Variants in BORCS5 observed in about 807,000 individuals in gnomAD.
The protein encoded by BORCS5 is BLOC-1 related complex subunit 5, also known as BLOC-1-related complex subunit 5.
Under a neutral mutation model 22.1 loss-of-function variants are expected in BORCS5, and 17 were observed. The ratio of observed to expected loss-of-function variants is 0.77; its 90% CI spans 0.53 to 1.15. BORCS5 has a LOEUF of 1.15. BORCS5 is among the 50% of genes most tolerant of loss of function. BORCS5 has a pLI of 0.00. For synonymous variants in BORCS5, 117 were observed against 99.8 expected (o/e 1.17, Z -1.03); for missense variants, 247 against 253.2 (o/e 0.98, Z 0.17).
chr12:12,391,690 A>T (rs146953106), intron 2 of BORCS5, among the ~76,000 whole-genome samples: 1,669 of 151,500 alleles, frequency 0.011, 31 homozygotes, highest in Middle Eastern at 0.024. Flanking sequence ...GCCTGGCACA[A>T]AATGATCTTA....
At position 12,390,988 on chromosome 12, in the gene BORCS5, G is replaced by A. The variant is rs115749525; in HGVS notation, c.202+29639G>A. Among the ~76,000 whole-genome samples, 999 of 152,110 alleles carry A rather than the reference G, an allele frequency of 6.6e-3. 16 individuals are homozygous for A. The highest frequency in any genetic ancestry group is 0.024 in the African/African-American group (982 of 41,420). On this transcript the variant is annotated intron_variant, in intron 2 of 3. Coordinates refer to ENST00000314565, the MANE Select transcript of BORCS5 (RefSeq NM_058169.6). ...ATAGAAAAAAGTACACGTTAAAAGG[G>A]GAGGCGGGTAATTGAACGAGGGGCC...
chr12:12,411,493 C>T (rs940977185), intron 2 of BORCS5, among the ~76,000 whole-genome samples: 1 of 152,038 alleles, frequency 6.6e-6, no homozygotes, highest in East Asian at 1.9e-4. Context: ...ATATAATATA[C>T]ATGTATATAA....
intron 3 of BORCS5, among the ~76,000 whole-genome samples, chr12:12,457,634 C>CA (rs1240702626): frequency 6.6e-6 from 1 of 152,204 alleles, no homozygotes; most frequent in Non-Finnish European, 1.5e-5. Flanking sequence ...CGCGCCACTG[C>CA]ACTCCATAGA....
intron 3 of BORCS5, chr12:12,452,108 TA>T: frequency 2.0e-6 from 1 of 493,250 alleles, no homozygotes; most frequent in South Asian, 1.7e-5. Flanking sequence ...AATTTTTATT[TA>T]AAAGAGGGCA....
At chr12:12,411,917 C>G (rs988769266) in intron 2 of BORCS5, among the ~76,000 whole-genome samples, 2 of 152,024 alleles carry the variant, frequency 1.3e-5, no homozygotes, top group Non-Finnish European at 2.9e-5. Context: ...GTCTTGGTGC[C>G]CCCAACAATC....
At chr12:12,392,792 G>A (rs574831807) in intron 2 of BORCS5, among the ~76,000 whole-genome samples, 27 of 152,208 alleles carry the variant, frequency 1.8e-4, no homozygotes, top group African/African-American at 6.3e-4. Context: ...TCTGTCCACT[G>A]ATCTCAGTTC....
At chr12:12,441,597 T>C (rs1942683818) in intron 3 of BORCS5, among the ~76,000 whole-genome samples, 1 of 152,176 alleles carries the variant, frequency 6.6e-6, no homozygotes, top group African/African-American at 2.4e-5. Context: ...CCTATCCTAA[T>C]TGCCATGAAT....
At chr12:12,358,454 T>C (rs901077287) in intron 1 of BORCS5, among the ~76,000 whole-genome samples, 1 of 152,248 alleles carries the variant, frequency 6.6e-6, no homozygotes, top group East Asian at 1.9e-4. Context: ...CAGCATCTAC[T>C]AGCTTTGCTA....
At chr12:12,453,921 G>C (rs1942956826) in intron 3 of BORCS5, among the ~76,000 whole-genome samples, 1 of 152,028 alleles carries the variant, frequency 6.6e-6, no homozygotes. Flanking sequence ...TCATATAAAG[G>C]GAATCATGTG....
chr12:12,468,495 C>T lies in BORCS5; in HGVS notation c.*2719C>T, dbSNP rs1366114824. On this transcript the variant is annotated 3_prime_UTR_variant, in exon 4 of 4. Coordinates refer to ENST00000314565, the MANE Select transcript of BORCS5 (RefSeq NM_058169.6). Reference sequence around the variant, plus strand: ...ATTTCATTTCCCTGAGCCTCAGTTTCCGCCTTCCTACAGCGTGAGCAGGTC... The same window carrying T: ...ATTTCATTTCCCTGAGCCTCAGTTTTCGCCTTCCTACAGCGTGAGCAGGTC... The T allele has an allele frequency of 6.6e-6, 1 of 152,258 alleles. No individual in the cohort carries two copies. The highest frequency in any genetic ancestry group is 1.5e-5 in the Non-Finnish European group (1 of 68,066). The allele number at this position is 152,258 out of a possible 1,614,324, so 9.4% of individuals were successfully genotyped here. A position where few individuals can be genotyped will look rare whatever the true frequency, so the allele number is the denominator to read the frequency against.
chr12:12,456,755 T>C (rs1943004651), intron 3 of BORCS5, among the ~76,000 whole-genome samples: 1 of 151,970 alleles, frequency 6.6e-6, no homozygotes, highest in Non-Finnish European at 1.5e-5. Flanking sequence ...ATTTCAGTTA[T>C]TACGTAGTGC....
chr12:12,420,686 A>G (rs935912021), intron 2 of BORCS5, among the ~76,000 whole-genome samples: 7 of 152,148 alleles, frequency 4.6e-5, no homozygotes, highest in African/African-American at 1.7e-4. Context: ...AGCATGGAAT[A>G]TTCTTCCATT....
At chr12:12,406,745 A>T (rs188233413) in intron 2 of BORCS5, among the ~76,000 whole-genome samples, 1 of 152,056 alleles carries the variant, frequency 6.6e-6, no homozygotes, top group Non-Finnish European at 1.5e-5. Flanking sequence ...TGCAAAGCCT[A>T]CATTTCTAAC....
intron 3 of BORCS5, among the ~76,000 whole-genome samples, chr12:12,459,078 TAG>T (rs1342263161): frequency 3.3e-5 from 5 of 151,424 alleles, no homozygotes; most frequent in Admixed American, 3.3e-4. Context: ...GTATTTTTAG[TAG>T]AGACAGGGTT....
intron 2 of BORCS5, among the ~76,000 whole-genome samples, chr12:12,362,106 ACAT>A (rs1299283074): frequency 3.9e-5 from 6 of 152,228 alleles, no homozygotes; most frequent in Non-Finnish European, 5.9e-5. Flanking sequence ...ACAGTGTAAA[ACAT>A]CTTACATTTA....
chr12:12,467,876 C>A lies in BORCS5; in HGVS notation c.*2100C>A, dbSNP rs1943228325. ...ATCACGTGCACGTTACCATGGATCT[C>A]CTGCACTTGTGGTGTGGGCAGCCGC... is the stretch of plus-strand genomic sequence containing the variant. On this transcript the variant is annotated 3_prime_UTR_variant, in exon 4 of 4. Transcript: ENST00000314565. 6.6e-6 allele frequency: 1 copy of A among 152,238 alleles called. No individual in the cohort carries two copies. The highest frequency in any genetic ancestry group is 1.5e-5 in the Non-Finnish European group (1 of 68,064). The allele number at this position is 152,238 out of a possible 1,614,324, so 9.4% of individuals were successfully genotyped here.
At chr12:12,366,160 G>T (rs1863402259) in intron 2 of BORCS5, among the ~76,000 whole-genome samples, 1 of 152,186 alleles carries the variant, frequency 6.6e-6, no homozygotes, top group African/African-American at 2.4e-5. Flanking sequence ...AGGCCACACA[G>T]TGAAGCCTGT....
intron 3 of BORCS5, among the ~76,000 whole-genome samples, chr12:12,439,684 A>G (rs1942641486): frequency 6.6e-6 from 1 of 152,228 alleles, no homozygotes; most frequent in Non-Finnish European, 1.5e-5. Context: ...TTGAATAGTC[A>G]GTAATTACCC....
At chr12:12,458,560 T>C (rs1254182395) in intron 3 of BORCS5, among the ~76,000 whole-genome samples, 1 of 151,224 alleles carries the variant, frequency 6.6e-6, no homozygotes, top group Non-Finnish European at 1.5e-5. Flanking sequence ...TTTCATTTTA[T>C]TTCTTTTCTT....
Sources: allele counts gnomAD v4.1 joint callset (sites outside exome capture counted in the v4.1 genomes callset), GRCh38; gene constraint gnomAD v4.1.1; transcripts MANE v1.5; gene names NCBI Gene and HGNC (gene_info 2026-07-23, HGNC 2026-07-21).